TRIM27: variants seen among roughly 807,000 people sequenced by gnomAD.
TRIM27 encodes the protein zinc finger protein RFP.
Under a neutral mutation model 57.6 loss-of-function variants are expected in TRIM27, and 12 were observed. That is an observed-to-expected ratio of 0.21 (90% CI 0.13 to 0.34). TRIM27 has a LOEUF of 0.34. Among genes scored for constraint, TRIM27 ranks in the 10% least tolerant of loss-of-function variants. The pLI is 1.00. For synonymous variants in TRIM27, 266 were observed against 259.0 expected (o/e 1.03, Z -0.26); for missense variants, 403 against 656.8 (o/e 0.61, Z 4.22).
Position 28,909,073 on chromosome 6 carries a change from C to A in TRIM27, c.786G>T (p.Arg262Ser). The A allele has an allele frequency of 6.2e-7, 1 of 1,607,388 alleles. No individual in the cohort carries two copies. The highest frequency in any genetic ancestry group is 8.5e-7 in the Non-Finnish European group (1 of 1,178,162). Residue 262 changes from arginine (R) to serine (S), a missense_variant, in exon 5 of 8, where the codon AGG becomes AGT. Physicochemically the swap from Arg to Ser is moderately radical, Grantham distance 110 (BLOSUM62 -1). Coordinates refer to ENST00000377199, the MANE Select transcript of TRIM27 (RefSeq NM_006510.5). ...GDTLSRAERI[R>S]IPEPWITPPD... ...GAGGTGTGATCCAAGGTTCAGGAATCCTGATTCTTTCAGCCCTAAATTTAA... is the reference window on the plus strand; with the variant it reads ...GAGGTGTGATCCAAGGTTCAGGAATACTGATTCTTTCAGCCCTAAATTTAA...
At position 28,904,658 on chromosome 6, in the gene TRIM27, C is replaced by T. The variant is rs765940666; in HGVS notation, c.954G>A (p.Val318=). The stretch of plus-strand genomic sequence containing the variant: ...GGTAGGCCGTGTCTGGGTCCAGAGT[C>T]ACGTCCACTGTAGAGACACAAGGAA... The part of the protein sequence containing the change: ...LREAQLYSVD[V]TLDPDTAYPS... Residue 318 remains valine, a synonymous_variant, in exon 8 of 8, where the codon GTG becomes GTA. Transcript: ENST00000377199. The surrounding 1 kb of genome is among the most constrained non-coding windows in gnomAD (Gnocchi z 6.1). 3.1e-6 allele frequency: 5 copies of T among 1,596,964 alleles called. No individual in the cohort carries two copies.
At chr6:28,911,765 T>G in intron 3 of TRIM27, 47 bp from the exon 4 acceptor site, 1 of 1,596,184 alleles carries the variant, frequency 6.3e-7, no homozygotes, top group Non-Finnish European at 8.5e-7. Flanking sequence ...CATTTAAAAC[T>G]TCGGTTTTCT....
chr6:28,904,425 C>A lies in TRIM27; in HGVS notation c.1187G>T (p.Gly396Val). The A allele has an allele frequency of 6.2e-7, 1 of 1,613,098 alleles. No individual in the cohort carries two copies. ...GVCEDSVCRK[G>V]GVTSAPQNGF... is the part of the protein sequence containing the mutation. ...ATTCTGGGGGGCTGAGGTTACTCCA[C>A]CTTTTCTGCACACTGAGTCTTCACA... Residue 396 changes from glycine (G) to valine (V), a missense_variant, in exon 8 of 8, where the codon GGT (glycine) becomes GTT (valine). Gly to Val is a moderately radical substitution (Grantham distance 109). Transcript: ENST00000377199. The surrounding 1 kb of genome is among the most constrained non-coding windows in gnomAD (Gnocchi z 6.1).
At chr6:28,907,807 TCTGGTATTATCCA>T in intron 6 of TRIM27, 1 of 387,154 alleles carries the variant, frequency 2.6e-6, no homozygotes, top group Non-Finnish European at 5.0e-6. Context: ...ACTAACCACT[TCTGGTATTATCCA>T]CTGTATTGAG....
intron 3 of TRIM27, chr6:28,915,753 A>G (rs1484049415): frequency 2.0e-5 from 3 of 152,230 alleles, no homozygotes; most frequent in African/African-American, 4.8e-5. Context: ...TTTGTGTTCA[A>G]TGTTCACAGC....
chr6:28,923,178 C>A, intron 1 of TRIM27, 35 bp downstream of exon 1: 1 of 1,510,228 alleles, frequency 6.6e-7, no homozygotes. Context: ...CTTTGTCCGA[C>A]TCGCGCTCCC....
intron 1 of TRIM27, 54 bp downstream of exon 1, chr6:28,923,159 C>G (rs1216244926): frequency 2.0e-6 from 3 of 1,478,982 alleles, no homozygotes; most frequent in Non-Finnish European, 2.7e-6. Context: ...CCCTTTGGCT[C>G]TCTCCTCCCT....
rs552161996 is a variant in TRIM27 at position 28,903,929 on chromosome 6, C to T, written c.*141G>A. The T allele has an allele frequency of 3.0e-6, 2 of 664,378 alleles. No homozygotes were observed. The highest frequency in any genetic ancestry group is 5.2e-5 in the East Asian group (2 of 38,324). 41.2% of individuals were successfully genotyped at this position (664,378 alleles called of 1,614,324 possible). The stretch of plus-strand genomic sequence containing the variant: ...TGGGAAGGAAAAGGATGGTAGAGAA[C>T]ATGGACATCCTGTCTCCCACTGCAA... On this transcript the variant is annotated 3_prime_UTR_variant, in exon 8 of 8. Transcript: ENST00000377199.
chr6:28,909,436 C>A (rs1033406083), intron 4 of TRIM27, among the ~76,000 whole-genome samples: 9 of 152,178 alleles, frequency 5.9e-5, no homozygotes, highest in African/African-American at 1.9e-4. Context: ...AATTCCATGA[C>A]CTTCCAGGAA....
intron 3 of TRIM27, among the ~76,000 whole-genome samples, chr6:28,916,946 A>G (rs904855650): frequency 6.6e-6 from 1 of 151,926 alleles, no homozygotes; most frequent in African/African-American, 2.4e-5. Flanking sequence ...GTTCAAGACC[A>G]GCCGAGGCAA....
At position 28,903,262 on chromosome 6, in the gene TRIM27, C is replaced by G. The variant is rs1772518727; in HGVS notation, c.*808G>C. ...AATCCCTGGAATATTGTCCCAGAAT[C>G]CTTCCAGGGATGGTATACGACTGGC... On this transcript the variant is annotated 3_prime_UTR_variant, in exon 8 of 8. Coordinates refer to ENST00000377199, the MANE Select transcript of TRIM27 (RefSeq NM_006510.5). 4.3e-6 allele frequency: 1 copy of G among 232,930 alleles called. No individual in the cohort carries two copies. Among genetic ancestry groups the G allele is most frequent in the Non-Finnish European group, 8.5e-6 (1 of 117,980 alleles). 14.4% of individuals were successfully genotyped at this position (232,930 alleles called of 1,614,324 possible).
chr6:28,919,894 G>T, intron 3 of TRIM27, 118 bp downstream of exon 3: 1 of 924,784 alleles, frequency 1.1e-6, no homozygotes, highest in Non-Finnish European at 1.6e-6. Flanking sequence ...AGTTTGGCAA[G>T]CTCTTGCTAT....
At position 28,921,171 on chromosome 6, in the gene TRIM27, G is replaced by A. The variant is rs147543423; in HGVS notation, c.516+721C>T. Among the ~76,000 whole-genome samples, 292 of 152,132 alleles carry A rather than the reference G, an allele frequency of 1.9e-3. 4 individuals are homozygous for A. The highest frequency in any genetic ancestry group is 6.6e-3 in the African/African-American group (273 of 41,502). On this transcript the variant is annotated intron_variant, in intron 2 of 7. Coordinates refer to ENST00000377199, the MANE Select transcript of TRIM27 (RefSeq NM_006510.5). Reference sequence around the variant, plus strand: ...TGAGGTGGGCGGATCACCTGAGGTCGGGAGTTCGAGACCAGCCTAACCAAC... The same window carrying A: ...TGAGGTGGGCGGATCACCTGAGGTCAGGAGTTCGAGACCAGCCTAACCAAC...
chr6:28,910,790 G>A (rs1043351027), intron 4 of TRIM27, among the ~76,000 whole-genome samples: 1 of 152,092 alleles, frequency 6.6e-6, no homozygotes, highest in Non-Finnish European at 1.5e-5. Flanking sequence ...AAAGTATCAG[G>A]TAACAGTATT....
intron 4 of TRIM27, among the ~76,000 whole-genome samples, chr6:28,910,361 GCT>G (rs1313905908): frequency 7.3e-5 from 11 of 151,648 alleles, no homozygotes; most frequent in Non-Finnish European, 1.5e-4. Flanking sequence ...AGGGAGTCAG[GCT>G]CTGTCGCCCA....
Position 28,903,142 on chromosome 6 carries a change from T to A in TRIM27, c.*928A>T, listed in dbSNP as rs1329741260. On this transcript the variant is annotated 3_prime_UTR_variant, in exon 8 of 8. Transcript: ENST00000377199. ...AGAGTGTCTCATGATCCAATGGCCA[T>A]GGGGACGGAGCTGCCCCTTGATAGG... The A allele has an allele frequency of 4.3e-6, 1 of 231,810 alleles. No homozygotes were observed. Among genetic ancestry groups the A allele is most frequent in the Non-Finnish European group, 8.5e-6 (1 of 117,256 alleles). The allele number at this position is 231,810 out of a possible 1,614,324, so 14.4% of individuals were successfully genotyped here.
chr6:28,911,506 ACT>A, intron 4 of TRIM27, 188 bp downstream of exon 4: 1 of 587,320 alleles, frequency 1.7e-6, no homozygotes, highest in East Asian at 3.0e-5. Context: ...TGAACCCCCT[ACT>A]TCCTGAATTT....
At chr6:28,906,785 AG>A in intron 7 of TRIM27, 1 of 158,310 alleles carries the variant, frequency 6.3e-6, no homozygotes, top group Non-Finnish European at 1.4e-5. Flanking sequence ...GTGAGGGGGA[AG>A]GGAAGTTTCA....
chr6:28,920,239 G>C lies in TRIM27; in HGVS notation c.520C>G (p.Leu174Val). The C allele has an allele frequency of 6.3e-7, 1 of 1,597,422 alleles. No homozygotes were observed. The highest frequency in any genetic ancestry group is 8.6e-7 in the Non-Finnish European group (1 of 1,169,428). ...GEQARAELLS[L>V]TQMEREKIVW... ...ATCTTCTCCCTCTCCATCTGGGTTA[G>C]GCTCTATGCAGACGACAGGGAAAGG... The change falls in exon 3 of 8, where the codon CTA becomes GTA. Residue 174 changes from leucine to valine, a missense_variant. By Grantham distance (32) the Leu-to-Val change is conservative. Transcript: ENST00000377199.
Sources: gnomAD v4.1 joint callset for allele counts (sites outside exome capture counted in the v4.1 genomes callset) on GRCh38, gnomAD v4.1.1 for gene constraint, Gnocchi (gnomAD v3.1) non-coding constraint, MANE v1.5 for transcripts, NCBI Gene and HGNC (gene_info 2026-07-23, HGNC 2026-07-21) for gene names.